Variants in ZPLD1 observed in about 807,000 individuals in gnomAD.
ZPLD1 encodes zona pellucida-like domain-containing protein 1.
Under a neutral mutation model 47.2 loss-of-function variants are expected in ZPLD1, and 34 were observed. The ratio of observed to expected loss-of-function variants is 0.72; its 90% CI spans 0.55 to 0.96. ZPLD1 has a LOEUF of 0.96. Ranked by LOEUF, ZPLD1 falls within the 40% of genes least tolerant of loss-of-function variation. The pLI is 0.00. For synonymous variants in ZPLD1, 176 were observed against 186.2 expected, an observed-to-expected ratio of 0.95 and a Z score of 0.45; for missense variants, 512 against 505.8, an observed-to-expected ratio of 1.01 and a Z score of -0.12.
At chr3:102,445,797 C>A (rs1343098403) in intron 3 of ZPLD1, among the ~76,000 whole-genome samples, 1 of 152,198 alleles carries the variant, frequency 6.6e-6, no homozygotes, top group Non-Finnish European at 1.5e-5. Context: ...TAGGTATCAA[C>A]AAACCTATCA....
At chr3:102,401,982 T>C (rs934357816) in intron 7 of ZPLD1, among the ~76,000 whole-genome samples, 1 of 152,100 alleles carries the variant, frequency 6.6e-6, no homozygotes, top group African/African-American at 2.4e-5. Flanking sequence ...GCTATCCTCA[T>C]AATAAATGCG....
chr3:102,419,127 A>G (rs1576134877), intron 8 of ZPLD1, among the ~76,000 whole-genome samples: 2 of 152,176 alleles, frequency 1.3e-5, no homozygotes. Context: ...AAACAGTTCT[A>G]AACTGTCAGT....
At chr3:102,454,738 C>A (rs1282666047) in intron 4 of ZPLD1, among the ~76,000 whole-genome samples, 1 of 152,118 alleles carries the variant, frequency 6.6e-6, no homozygotes, top group Non-Finnish European at 1.5e-5. Context: ...TGCCTCTAAT[C>A]CCAGCTACTT....
At chr3:102,401,185 A>G (rs1706616010) in intron 7 of ZPLD1, among the ~76,000 whole-genome samples, 1 of 152,064 alleles carries the variant, frequency 6.6e-6, no homozygotes, top group Admixed American at 6.6e-5. Flanking sequence ...GTCAGCTACA[A>G]TATTCCTGCT....
At chr3:102,422,234 C>T (rs1323090380) in intron 8 of ZPLD1, among the ~76,000 whole-genome samples, 1 of 151,932 alleles carries the variant, frequency 6.6e-6, no homozygotes, top group Admixed American at 6.6e-5. Flanking sequence ...TGTCATGAAG[C>T]TTAGAGGTTT....
intron 8 of ZPLD1, among the ~76,000 whole-genome samples, chr3:102,466,401 G>T (rs1308650253): frequency 6.6e-6 from 1 of 152,122 alleles, no homozygotes; most frequent in Admixed American, 6.5e-5. Context: ...ATTTCTTGCA[G>T]TGTTCCAATA....
At chr3:102,447,603 T>C (rs1707277856) in intron 3 of ZPLD1, among the ~76,000 whole-genome samples, 1 of 152,214 alleles carries the variant, frequency 6.6e-6, no homozygotes. Context: ...CTGGAAAATA[T>C]TAAGCATTCT....
chr3:102,386,014 G>A (rs1218177921), intron 6 of ZPLD1, among the ~76,000 whole-genome samples: 1 of 152,080 alleles, frequency 6.6e-6, no homozygotes, highest in Non-Finnish European at 1.5e-5. Flanking sequence ...TCTTCGAACC[G>A]GTAGTGTCTC....
intron 7 of ZPLD1, among the ~76,000 whole-genome samples, chr3:102,410,595 A>G (rs949142637): frequency 2.6e-5 from 4 of 151,824 alleles, no homozygotes. Context: ...AGCTTGTTAG[A>G]CACCTGAAGG....
At chr3:102,387,005 C>G (rs891795003) in intron 6 of ZPLD1, among the ~76,000 whole-genome samples, 27 of 152,138 alleles carry the variant, frequency 1.8e-4, no homozygotes, top group African/African-American at 6.5e-4. Context: ...GCTATGATAG[C>G]AAAGATTTAG....
In ZPLD1 at chr3:102,395,563, T is replaced by C. The variant is rs372830945; in HGVS notation, c.-157+3338T>C. On this transcript the variant is annotated intron_variant, in intron 7 of 17. Coordinates refer to the ZPLD1 transcript ENST00000491959. ...AGAGCCTCCTGAAGGAATGCAGTCG[T>C]TGCTGACACCTTGATTTTAGCCCCA... Among the ~76,000 whole-genome samples the C allele has an allele frequency of 5.0e-4, 76 of 152,300 alleles. 1 individual carries two copies. Among genetic ancestry groups the C allele is most frequent in the African/African-American group, 1.8e-3 (74 of 41,578 alleles).
chr3:102,425,035 T>G (rs928608206), intron 8 of ZPLD1, among the ~76,000 whole-genome samples: 1 of 152,126 alleles, frequency 6.6e-6, no homozygotes, highest in African/African-American at 2.4e-5. Context: ...TGATTTCTTT[T>G]TAGTGAAGAA....
chr3:102,409,406 G>A (rs865957630), intron 7 of ZPLD1, among the ~76,000 whole-genome samples: 1 of 151,736 alleles, frequency 6.6e-6, no homozygotes, highest in South Asian at 2.1e-4. Context: ...TGTTACAGTG[G>A]CAATTAAATT....
intron 7 of ZPLD1, among the ~76,000 whole-genome samples, chr3:102,401,432 C>A (rs1706619009): frequency 6.6e-6 from 1 of 152,084 alleles, no homozygotes; most frequent in South Asian, 2.1e-4. Context: ...GAAGTGCATA[C>A]AATGTGAAGC....
chr3:102,386,515 G>A (rs867034399), intron 6 of ZPLD1, among the ~76,000 whole-genome samples: 1 of 152,042 alleles, frequency 6.6e-6, no homozygotes, highest in South Asian at 2.1e-4. Flanking sequence ...TTTTGAAAAT[G>A]TATTCTTAAC....
rs1369624058 is a variant in ZPLD1, at chr3:102,478,080, A to C, written c.*462A>C. 6.6e-6 allele frequency: 1 copy of C among 152,552 alleles called. No individual in the cohort carries two copies. The highest frequency in any genetic ancestry group is 1.5e-5 in the Non-Finnish European group (1 of 68,262). 9.4% of individuals were successfully genotyped at this position (152,552 alleles called of 1,614,324 possible). Reference sequence around the variant, plus strand: ...TATTCCCAGCTTCAGGATGTGTTTTAATAGGACTGGCCAATTTGGATACCT... The same window carrying C: ...TATTCCCAGCTTCAGGATGTGTTTTCATAGGACTGGCCAATTTGGATACCT... On this transcript the variant is annotated 3_prime_UTR_variant, in exon 12 of 12. Transcript: ENST00000466937.
At chr3:102,433,674 C>T (rs1204765735), upstream of ZPLD1, among the ~76,000 whole-genome samples, 1 of 152,104 alleles carries the variant, frequency 6.6e-6, no homozygotes, top group East Asian at 1.9e-4. Context: ...ACTAAGGCAC[C>T]CGCCACCACG....
chr3:102,393,277 G>A (rs990307320), intron 7 of ZPLD1, among the ~76,000 whole-genome samples: 3 of 152,114 alleles, frequency 2.0e-5, no homozygotes, highest in African/African-American at 7.2e-5. Flanking sequence ...AGTATATTAA[G>A]CGCTTAACTG....
At chr3:102,450,083 T>C (rs1707313757) in intron 3 of ZPLD1, among the ~76,000 whole-genome samples, 1 of 152,164 alleles carries the variant, frequency 6.6e-6, no homozygotes, top group Non-Finnish European at 1.5e-5. Flanking sequence ...TACCTTAGAC[T>C]TGGGATCAGG....
Sources: allele counts gnomAD v4.1 joint callset (sites outside exome capture counted in the v4.1 genomes callset), GRCh38; gene constraint gnomAD v4.1.1; transcripts MANE v1.5; gene names NCBI Gene and HGNC (gene_info 2026-07-23, HGNC 2026-07-21).